Variants in CDH12 observed in about 807,000 individuals in gnomAD.
CDH12 encodes the protein cadherin-12.
CDH12 carries 41 observed loss-of-function variants against 74.1 expected under a neutral mutation model. The observed-to-expected ratio is 0.55, with a 90% confidence interval of 0.43 to 0.72. CDH12 has a LOEUF of 0.72. CDH12 is among the 30% of genes least tolerant of loss of function. The pLI is 0.00. For synonymous variants in CDH12, 399 were observed against 355.0 expected (o/e 1.12, Z -1.39); for missense variants, 945 against 977.2 (o/e 0.97, Z 0.44).
chr5:22,852,695 A>T (rs1299878527), intron 1 of CDH12, among the ~76,000 whole-genome samples: 1 of 152,226 alleles, frequency 6.6e-6, no homozygotes, highest in Non-Finnish European at 1.5e-5. Flanking sequence ...ATTTTGTTGT[A>T]AAAATCAGAT....
rs540975097 is a variant in CDH12, at chr5:22,675,204, T to C, written c.-522-169840A>G. ...TGGGCCAGGCCCAGTTTTCCTGTGC[T>C]GGGCGCAGTCTAGGGACTTGGTGTC... On this transcript the variant is annotated intron_variant, in intron 1 of 14. Coordinates refer to ENST00000382254, the MANE Select transcript of CDH12 (RefSeq NM_004061.5). 1.5e-4 allele frequency among the ~76,000 whole-genome samples: 23 copies of C among 152,260 alleles called. No homozygotes were observed. In the South Asian group the frequency reaches 4.8e-3, roughly 32 times the overall value.
intron 1 of CDH12, among the ~76,000 whole-genome samples, chr5:22,713,831 A>C (rs371741616): frequency 6.6e-6 from 1 of 152,138 alleles, no homozygotes; most frequent in Non-Finnish European, 1.5e-5. Flanking sequence ...TTAAAACTCA[A>C]ACTTTCAAAA....
At chr5:22,566,499 A>T (rs1739290857) in intron 1 of CDH12, among the ~76,000 whole-genome samples, 1 of 151,768 alleles carries the variant, frequency 6.6e-6, no homozygotes, top group Admixed American at 6.6e-5. Flanking sequence ...TCAGCTCCCA[A>T]AGTGCTGGGA....
At chr5:22,709,677 G>T (rs1160352635) in intron 1 of CDH12, among the ~76,000 whole-genome samples, 1 of 152,146 alleles carries the variant, frequency 6.6e-6, no homozygotes, top group Non-Finnish European at 1.5e-5. Flanking sequence ...TAGATGTTAA[G>T]TTAAAAATGA....
chr5:22,602,358 T>C (rs1465141896), intron 1 of CDH12, among the ~76,000 whole-genome samples: 1 of 152,116 alleles, frequency 6.6e-6, no homozygotes, highest in Non-Finnish European at 1.5e-5. Context: ...AAACCTGGCA[T>C]TTCAGAATAA....
intron 1 of CDH12, among the ~76,000 whole-genome samples, chr5:22,517,083 T>G (rs1339064380): frequency 6.6e-6 from 1 of 151,978 alleles, no homozygotes; most frequent in Non-Finnish European, 1.5e-5. Flanking sequence ...AGTAGGAGAA[T>G]ATAATATACA....
chr5:21,931,274 GA>G (rs1357697495), intron 6 of CDH12, among the ~76,000 whole-genome samples: 1 of 150,566 alleles, frequency 6.6e-6, no homozygotes, highest in Non-Finnish European at 1.5e-5. Flanking sequence ...GAAGAGAATA[GA>G]AAAAAAAATA....
At chr5:22,819,982 TATATACATATACATATATATACATATAC>T (rs1749595410) in intron 1 of CDH12, among the ~76,000 whole-genome samples, 1 of 145,896 alleles carries the variant, frequency 6.9e-6, no homozygotes, top group South Asian at 2.1e-4. Flanking sequence ...CATATACATA[TATATACATATACATATATATACATATAC>T]ATATATATAC....
chr5:21,922,019 T>C (rs1754376159), intron 6 of CDH12, among the ~76,000 whole-genome samples: 1 of 152,146 alleles, frequency 6.6e-6, no homozygotes, highest in African/African-American at 2.4e-5. Context: ...GTAACTTCTT[T>C]TACCATGGGG....
chr5:22,737,180 A>G (rs1001675790), intron 1 of CDH12, among the ~76,000 whole-genome samples: 3 of 151,912 alleles, frequency 2.0e-5, no homozygotes, highest in African/African-American at 4.8e-5. Context: ...TTGTACCACG[A>G]AATTTTGTGT....
intron 5 of CDH12, among the ~76,000 whole-genome samples, chr5:21,988,645 T>C (rs950390485): frequency 6.6e-6 from 1 of 151,444 alleles, no homozygotes; most frequent in African/African-American, 2.4e-5. Flanking sequence ...AACAGAAAAT[T>C]GGAAGTAGAA....
intron 3 of CDH12, among the ~76,000 whole-genome samples, chr5:22,307,695 T>C (rs533246852): frequency 2.2e-4 from 33 of 152,154 alleles, no homozygotes; most frequent in Admixed American, 1.8e-3. Context: ...TTTAAGATTA[T>C]GATGAAAAAG....
chr5:22,676,160 G>A (rs1741179052), intron 1 of CDH12, among the ~76,000 whole-genome samples: 1 of 150,812 alleles, frequency 6.6e-6, no homozygotes. Context: ...TATTCTCATT[G>A]TTGTAACAGT....
At position 22,831,351 on chromosome 5, in the gene CDH12, T is replaced by TGTGTGTGTGTGTGTG. The variant is rs1554007030; in HGVS notation, c.-523+21706_-523+21707insCACACACACACACAC. ...CAAAGGAAGGTAGGGGTTTTGGAGT[T>TGTGTGTGTGTGTGTG]TGTGTGTGTGTGTGTGTGTCTGTGT... On this transcript the variant is annotated intron_variant, in intron 1 of 14. Coordinates refer to ENST00000382254, the MANE Select transcript of CDH12 (RefSeq NM_004061.5). Among the ~76,000 whole-genome samples the TGTGTGTGTGTGTGTG allele has an allele frequency of 2.8e-4, 39 of 138,644 alleles. 1 individual carries two copies. The highest frequency in any genetic ancestry group is 7.3e-4 in the Admixed American group (10 of 13,682). 91.0% of individuals were successfully genotyped at this position (138,644 alleles called of 152,430 possible). A position where few individuals can be genotyped will look rare whatever the true frequency, so the allele number is the denominator to read the frequency against.
chr5:21,949,803 A>G (rs188615352), intron 6 of CDH12, among the ~76,000 whole-genome samples: 30 of 152,366 alleles, frequency 2.0e-4, no homozygotes, highest in African/African-American at 6.5e-4. Context: ...GTGTTATTAC[A>G]AAAGAGTCAA....
intron 6 of CDH12, among the ~76,000 whole-genome samples, chr5:21,881,382 A>T (rs1752345875): frequency 6.6e-6 from 1 of 152,190 alleles, no homozygotes; most frequent in Admixed American, 6.5e-5. Context: ...CTATAAATGC[A>T]AAACTAACAT....
intron 3 of CDH12, among the ~76,000 whole-genome samples, chr5:22,235,090 A>C (rs534070617): frequency 2.0e-5 from 3 of 152,316 alleles, no homozygotes; most frequent in African/African-American, 7.2e-5. Context: ...ACATACTTGA[A>C]TTTTATATCA....
chr5:22,158,638 T>C (rs562172872), intron 4 of CDH12, among the ~76,000 whole-genome samples: 14 of 152,264 alleles, frequency 9.2e-5, no homozygotes, highest in African/African-American at 3.1e-4. Flanking sequence ...TGCTGCACTA[T>C]ACTTGGTGGC....
intron 1 of CDH12, among the ~76,000 whole-genome samples, chr5:22,582,685 A>G (rs1380480881): frequency 1.3e-5 from 2 of 152,206 alleles, no homozygotes; most frequent in Non-Finnish European, 2.9e-5. Context: ...TTAATTATCA[A>G]TGTCATTTCT....
Sources: allele counts gnomAD v4.1 joint callset (sites outside exome capture counted in the v4.1 genomes callset), GRCh38; gene constraint gnomAD v4.1.1; transcripts MANE v1.5; gene names NCBI Gene and HGNC (gene_info 2026-07-23, HGNC 2026-07-21).